Variants in SH3TC2 observed in about 807,000 individuals in gnomAD.
SH3TC2 encodes SH3 domain and tetratricopeptide repeat-containing protein 2.
In SH3TC2, 87 loss-of-function variants were observed where a neutral mutation model predicts 124.5. The ratio of observed to expected loss-of-function variants is 0.70; its 90% confidence interval spans 0.59 to 0.84. SH3TC2 has a LOEUF of 0.84. Among genes scored for constraint, SH3TC2 ranks in the 40% least tolerant of loss-of-function variants. SH3TC2 has a pLI of 0.00. For missense variants in SH3TC2, 1,536 were observed against 1,566.4 expected (o/e 0.98, Z 0.33); for synonymous variants, 634 against 628.5 (o/e 1.01, Z -0.13).
rs868833114 is a variant in SH3TC2 at position 149,004,370 on chromosome 5, T to C, written c.*341A>G. The C allele has an allele frequency of 7.7e-5, 22 of 285,264 alleles. No individual in the cohort carries two copies. The highest frequency in any genetic ancestry group is 9.3e-5 in the Non-Finnish European group (14 of 150,360). The allele number at this position is 285,264 out of a possible 1,614,324, so 17.7% of individuals were successfully genotyped here. ...ACCAGTGCAGTGACTGATTTCCTCATTGGGGGAGGAAGGAAGGCTCCTGGA... is the reference window on the plus strand; with the variant it reads ...ACCAGTGCAGTGACTGATTTCCTCACTGGGGGAGGAAGGAAGGCTCCTGGA... On this transcript the variant is annotated 3_prime_UTR_variant, in exon 17 of 17. Transcript: ENST00000515425.
intron 8 of SH3TC2, among the ~76,000 whole-genome samples, chr5:149,032,905 A>G (rs912790366): frequency 2.6e-5 from 4 of 152,120 alleles, no homozygotes; most frequent in African/African-American, 9.7e-5. Context: ...CCCCAACACC[A>G]CGGAAGCTTC....
intron 6 of SH3TC2, 81 bp from the exon 7 acceptor site, chr5:149,040,758 A>G: frequency 8.8e-7 from 1 of 1,132,168 alleles, no homozygotes. Flanking sequence ...CAGAATAATG[A>G]TGATGATGAT....
At chr5:149,005,750 G>T (rs934364775) in intron 16 of SH3TC2, among the ~76,000 whole-genome samples, 1 of 152,196 alleles carries the variant, frequency 6.6e-6, no homozygotes, top group African/African-American at 2.4e-5. Context: ...CAGAAGCAAA[G>T]CCTGGCAAAT....
At chr5:149,029,167 T>A (rs981949246) in intron 9 of SH3TC2, among the ~76,000 whole-genome samples, 1 of 152,226 alleles carries the variant, frequency 6.6e-6, no homozygotes, top group Non-Finnish European at 1.5e-5. Flanking sequence ...CTCCCACTTC[T>A]AAATGTATCA....
At chr5:149,022,766 C>A (rs1272369201) in intron 12 of SH3TC2, among the ~76,000 whole-genome samples, 1 of 152,148 alleles carries the variant, frequency 6.6e-6, no homozygotes, top group Non-Finnish European at 1.5e-5. Flanking sequence ...AAACACTATG[C>A]TAAGTGAAAG....
chr5:149,052,114 A>AAGG (rs1367193424), intron 2 of SH3TC2, 28 bp downstream of exon 2: 1 of 1,469,604 alleles, frequency 6.8e-7, no homozygotes, highest in East Asian at 2.3e-5. Context: ...ACATGGAAGA[A>AAGG]TAGGGCTTGT....
intron 1 of SH3TC2, 94 bp downstream of exon 1, chr5:149,062,877 G>A (rs1293278668): frequency 1.1e-5 from 14 of 1,221,566 alleles, no homozygotes; most frequent in Admixed American, 4.0e-5. Context: ...CCATCTTTGG[G>A]AGAAAAGTTT....
chr5:149,027,645 T>C lies in SH3TC2; in HGVS notation c.2087A>G (p.His696Arg), dbSNP rs17109261. 9.9e-4 allele frequency: 1,596 copies of C among 1,614,214 alleles called. 15 individuals carry two copies. The African/African-American group carries it at 0.016, about 17-fold the overall frequency. Reference sequence around the variant, plus strand: ...CATCCCTTGGGCACTCTGGATACCATGTTGCTGGACAGAGGCCACTGCAAG... The same window carrying C: ...CATCCCTTGGGCACTCTGGATACCACGTTGCTGGACAGAGGCCACTGCAAG... ...PHLAVASVQQ[H>R]GIQSAQGMSL... The change falls in exon 11 of 17, where the codon CAT (histidine) becomes CGT (arginine). Residue 696 changes from histidine to arginine, a missense_variant. His to Arg is a conservative substitution (Grantham distance 29). Coordinates refer to ENST00000515425, the MANE Select transcript of SH3TC2 (RefSeq NM_024577.4).
intron 8 of SH3TC2, chr5:149,034,353 G>A (rs964656817): frequency 1.1e-5 from 2 of 187,720 alleles, no homozygotes; most frequent in African/African-American, 2.4e-5. Context: ...TAAAAGAACT[G>A]ATTAAGCAAG....
chr5:149,037,351 G>C (rs574705004), intron 8 of SH3TC2, among the ~76,000 whole-genome samples: 1 of 152,248 alleles, frequency 6.6e-6, no homozygotes, highest in African/African-American at 2.4e-5. Context: ...AGCTCAGTGA[G>C]TGGTCTTCCT....
Position 149,010,310 on chromosome 5 carries a change from T to C in SH3TC2, c.3287A>G (p.Asn1096Ser), listed in dbSNP as rs768331573. Residue 1096 changes from asparagine (N) to serine (S), a missense_variant, in exon 14 of 17, where the codon AAT becomes AGT. Physicochemically the swap from Asn to Ser is conservative, Grantham distance 46. Transcript: ENST00000515425. ...TGCATGATGCCTGTGGCGGGTCCCATTGAAGAACACATCACCTGCTTCTTC... is the reference window on the plus strand; with the variant it reads ...TGCATGATGCCTGTGGCGGGTCCCACTGAAGAACACATCACCTGCTTCTTC... ...LYEEAGDVFF[N>S]GTRHRHHAVE... 43 of 1,614,054 alleles carry C rather than the reference T, an allele frequency of 2.7e-5. No homozygotes were observed. The highest frequency in any genetic ancestry group is 1.1e-4 in the East Asian group (5 of 44,886).
chr5:149,022,551 G>A (rs1042032760), intron 12 of SH3TC2, among the ~76,000 whole-genome samples: 1 of 152,126 alleles, frequency 6.6e-6, no homozygotes, highest in Non-Finnish European at 1.5e-5. Context: ...CTATGCAAGA[G>A]AACTGAAAAC....
At chr5:149,016,572 T>C (rs1290413330) in intron 12 of SH3TC2, among the ~76,000 whole-genome samples, 1 of 152,206 alleles carries the variant, frequency 6.6e-6, no homozygotes, top group Non-Finnish European at 1.5e-5. Flanking sequence ...ATATTAATTA[T>C]ATATTTTAAA....
chr5:149,004,656 G>C lies in SH3TC2; in HGVS notation c.*55C>G. The C allele has an allele frequency of 6.3e-7, 1 of 1,591,664 alleles. No individual in the cohort carries two copies. Among genetic ancestry groups the C allele is most frequent in the South Asian group, 1.1e-5 (1 of 88,970 alleles). Reference sequence around the variant, plus strand: ...TCCCAATGAGTATTTAAGAGCCTAGGGCAGTGGGGTCAGAGTCTGGCCATG... The same window carrying C: ...TCCCAATGAGTATTTAAGAGCCTAGCGCAGTGGGGTCAGAGTCTGGCCATG... On this transcript the variant is annotated 3_prime_UTR_variant, in exon 17 of 17. Transcript: ENST00000515425.
intron 1 of SH3TC2, among the ~76,000 whole-genome samples, chr5:149,055,268 G>A (rs764910673): frequency 2.6e-5 from 4 of 152,052 alleles, no homozygotes; most frequent in South Asian, 2.1e-4. Flanking sequence ...TTGATCATAC[G>A]TATGTATAGT....
chr5:148,988,387 T>C lies in SH3TC2; in HGVS notation c.*16324A>G, dbSNP rs1279720832. On this transcript the variant is annotated 3_prime_UTR_variant, in exon 17 of 17. Transcript: ENST00000515425. ...GAGTAATCCCCTCCTATACCAGCTC[T>C]AGGCTGGCTTTGTATAACCAATAAA... 6.6e-6 allele frequency among the ~76,000 whole-genome samples: 1 copy of C among 152,204 alleles called. No homozygotes were observed. Among genetic ancestry groups the C allele is most frequent in the Non-Finnish European group, 1.5e-5 (1 of 68,022 alleles).
intron 3 of SH3TC2, chr5:149,047,599 G>T: frequency 2.2e-6 from 1 of 447,420 alleles, no homozygotes; most frequent in Non-Finnish European, 4.2e-6. Flanking sequence ...TAAGTAACTT[G>T]TCAAAGATCA....
At position 148,998,313 on chromosome 5, in the gene SH3TC2, A is replaced by C. The variant is rs1000976222; in HGVS notation, c.*6398T>G. Among the ~76,000 whole-genome samples the C allele has an allele frequency of 2.0e-5, 3 of 152,186 alleles. No individual in the cohort carries two copies. Among genetic ancestry groups the C allele is most frequent in the African/African-American group, 7.2e-5 (3 of 41,438 alleles). ...AGTCTGATTCAGAACTATTAATATT[A>C]AATACGTTCTTTACCAATGATACAC... On this transcript the variant is annotated 3_prime_UTR_variant, in exon 17 of 17. Coordinates refer to ENST00000515425, the MANE Select transcript of SH3TC2 (RefSeq NM_024577.4).
Position 149,038,365 on chromosome 5 carries a change from T to G in SH3TC2, c.931A>C (p.Lys311Gln). The change falls in exon 8 of 17, where the codon AAG becomes CAG. Residue 311 changes from lysine (K) to glutamine (Q), a missense_variant. By Grantham distance (53) the Lys-to-Gln change is moderately conservative (BLOSUM62 1). Coordinates refer to ENST00000515425, the MANE Select transcript of SH3TC2 (RefSeq NM_024577.4). Reference protein sequence around the residue: ...VIPGLQWFIGKSTSSGQVGFV... With the variant: ...VIPGLQWFIGQSTSSGQVGFV... ...CCCACTTGTCCTGAACTTGTCGACT[T>G]TCCAATGAACCACTGAAGCCCAGGT... is the stretch of plus-strand genomic sequence containing the variant. 6.2e-7 allele frequency: 1 copy of G among 1,614,194 alleles called. No homozygotes were observed. Among genetic ancestry groups the G allele is most frequent in the Non-Finnish European group, 8.5e-7 (1 of 1,180,024 alleles).
Sources: allele counts gnomAD v4.1 joint callset (sites outside exome capture counted in the v4.1 genomes callset), GRCh38; gene constraint gnomAD v4.1.1; transcripts MANE v1.5; gene names NCBI Gene and HGNC (gene_info 2026-07-23, HGNC 2026-07-21).